Variants in GPATCH2 observed in about 807,000 individuals in gnomAD.
The protein encoded by GPATCH2 is G patch domain-containing protein 2.
A neutral mutation model predicts 58.0 loss-of-function variants in GPATCH2; 51 were observed. The observed-to-expected ratio is 0.88, with a 90% confidence interval of 0.70 to 1.11. The LOEUF is 1.11. Among genes scored for constraint, GPATCH2 ranks in the 50% most tolerant of loss-of-function variants. The pLI is 0.00. For synonymous variants in GPATCH2, 222 were observed against 218.5 expected (o/e 1.02, Z -0.14); for missense variants, 625 against 652.2 (o/e 0.96, Z 0.45).
chr1:217,513,292 A>AG (rs544622346), intron 6 of GPATCH2, among the ~76,000 whole-genome samples: 121 of 152,024 alleles, frequency 8.0e-4, no homozygotes, highest in African/African-American at 2.9e-3. Flanking sequence ...ACTTTGTCTC[A>AG]GGGAAAAAAA....
intron 5 of GPATCH2, among the ~76,000 whole-genome samples, chr1:217,545,655 T>C (rs1435480727): frequency 6.6e-6 from 1 of 152,226 alleles, no homozygotes; most frequent in Non-Finnish European, 1.5e-5. Flanking sequence ...GACTATGTAA[T>C]TGTTTTTCTG....
intron 5 of GPATCH2, among the ~76,000 whole-genome samples, chr1:217,548,600 G>A (rs1347928411): frequency 6.6e-6 from 1 of 152,096 alleles, no homozygotes; most frequent in East Asian, 1.9e-4. Context: ...AAAACTGGGT[G>A]ATATGGTTTG....
chr1:217,609,966 C>T lies in GPATCH2; in HGVS notation c.1098+355G>A, dbSNP rs968535592. On this transcript the variant is annotated intron_variant, in intron 5 of 9. Coordinates refer to ENST00000366935, the MANE Select transcript of GPATCH2 (RefSeq NM_018040.5). Reference sequence around the variant, plus strand: ...GGGCCAACCTAAATCCCTAGAAAGCCTCCCCAGTCAGGTTCACTTCTGACT... The same window carrying T: ...GGGCCAACCTAAATCCCTAGAAAGCTTCCCCAGTCAGGTTCACTTCTGACT... 2.4e-5 allele frequency: 31 copies of T among 1,301,796 alleles called. No homozygotes were observed. In the African/African-American group the frequency reaches 4.8e-4, roughly 20 times the overall value. The allele number at this position is 1,301,796 out of a possible 1,614,324, so 80.6% of individuals were successfully genotyped here.
chr1:217,590,571 T>C (rs187336472), intron 5 of GPATCH2, among the ~76,000 whole-genome samples: 54 of 152,324 alleles, frequency 3.5e-4, no homozygotes, highest in African/African-American at 1.2e-3. Context: ...GAGGAGTATT[T>C]GACCAATCAA....
intron 8 of GPATCH2, 168 bp downstream of exon 8, chr1:217,491,512 C>A (rs909465686): frequency 6.0e-6 from 2 of 334,588 alleles, no homozygotes; most frequent in African/African-American, 4.3e-5. Flanking sequence ...AATAAAATAT[C>A]TTTTTATTCA....
In GPATCH2 at chr1:217,610,319, A is replaced by G. The variant is rs1384458409; in HGVS notation, c.1098+2T>C. On this transcript the variant is annotated splice_donor_variant, in intron 5 of 9. Coordinates refer to ENST00000366935, the MANE Select transcript of GPATCH2 (RefSeq NM_018040.5). LOFTEE classifies it high-confidence loss of function. Reference sequence around the variant, plus strand: ...ACAATTACACAGAAAAAGTATGCCTACCATTGAAGTTGGAGTCCCTCCAGA... The same window carrying G: ...ACAATTACACAGAAAAAGTATGCCTGCCATTGAAGTTGGAGTCCCTCCAGA... 6.4e-7 allele frequency: 1 copy of G among 1,560,990 alleles called. No homozygotes were observed.
chr1:217,548,021 T>A (rs1220992551), intron 5 of GPATCH2, among the ~76,000 whole-genome samples: 3 of 152,208 alleles, frequency 2.0e-5, no homozygotes, highest in Non-Finnish European at 1.5e-5. Flanking sequence ...ATAGTTAAGT[T>A]TCCTGAGGCT....
intron 9 of GPATCH2, among the ~76,000 whole-genome samples, chr1:217,441,785 C>T (rs542383712): frequency 4.1e-4 from 63 of 152,246 alleles, no homozygotes; most frequent in African/African-American, 1.5e-3. Context: ...ATCAAAATCA[C>T]AATGAGACAC....
At chr1:217,542,152 G>C (rs1571888572) in intron 5 of GPATCH2, among the ~76,000 whole-genome samples, 2 of 152,284 alleles carry the variant, frequency 1.3e-5, no homozygotes, top group East Asian at 3.9e-4. Flanking sequence ...GCTGGGTTTA[G>C]GCTGTGATGA....
intron 5 of GPATCH2, among the ~76,000 whole-genome samples, chr1:217,604,746 C>T (rs754853467): frequency 1.3e-4 from 20 of 151,898 alleles, no homozygotes; most frequent in Non-Finnish European, 2.4e-4. Context: ...GCCCTTCTGG[C>T]CTAGTGTGAT....
intron 5 of GPATCH2, among the ~76,000 whole-genome samples, chr1:217,604,886 G>GT (rs1668283320): frequency 6.6e-6 from 1 of 152,060 alleles, no homozygotes; most frequent in African/African-American, 2.4e-5. Context: ...ATTAGCTGGC[G>GT]TGGTGGCAGG....
chr1:217,521,270 C>T (rs1558453651), intron 5 of GPATCH2, among the ~76,000 whole-genome samples: 1 of 147,188 alleles, frequency 6.8e-6, no homozygotes, highest in African/African-American at 2.5e-5. Context: ...AGGGCACATG[C>T]CCTAGACTAT....
intron 5 of GPATCH2, among the ~76,000 whole-genome samples, chr1:217,523,855 AC>A (rs1175223227): frequency 3.3e-5 from 4 of 122,404 alleles, no homozygotes; most frequent in Non-Finnish European, 3.4e-5. Context: ...CGGGGGGCTG[AC>A]CCCCACACCT....
chr1:217,592,796 T>C (rs755999584), intron 5 of GPATCH2, among the ~76,000 whole-genome samples: 1 of 151,976 alleles, frequency 6.6e-6, no homozygotes, highest in Non-Finnish European at 1.5e-5. Flanking sequence ...TTAATGCCAC[T>C]TTTGGGTTAC....
At chr1:217,465,244 ATAAAT>A (rs1287190324) in intron 8 of GPATCH2, among the ~76,000 whole-genome samples, 3 of 152,186 alleles carry the variant, frequency 2.0e-5, no homozygotes, top group African/African-American at 7.2e-5. Context: ...AAGGAAAGTG[ATAAAT>A]TAAAAAGTGA....
chr1:217,455,872 C>A (rs1242132179), intron 8 of GPATCH2, among the ~76,000 whole-genome samples: 2 of 151,978 alleles, frequency 1.3e-5, no homozygotes, highest in African/African-American at 4.8e-5. Context: ...AGAAGACAGA[C>A]AAAAGAGCAG....
At chr1:217,550,332 G>A (rs371357567) in intron 5 of GPATCH2, among the ~76,000 whole-genome samples, 79 of 151,974 alleles carry the variant, frequency 5.2e-4, no homozygotes, top group African/African-American at 1.8e-3. Flanking sequence ...TCATTTATTC[G>A]CCAAATGCTT....
At chr1:217,517,622 T>G (rs1027504967) in intron 5 of GPATCH2, among the ~76,000 whole-genome samples, 1 of 152,138 alleles carries the variant, frequency 6.6e-6, no homozygotes, top group Non-Finnish European at 1.5e-5. Context: ...TGTCTTATCA[T>G]TAATTCAAGA....
intron 1 of GPATCH2, among the ~76,000 whole-genome samples, chr1:217,622,439 T>C (rs1571673040): frequency 1.3e-5 from 2 of 152,366 alleles, no homozygotes; most frequent in South Asian, 2.1e-4. Context: ...ATCTAATGCA[T>C]ACAGCTTTTT....
Sources: gnomAD v4.1 joint callset for allele counts (sites outside exome capture counted in the v4.1 genomes callset) on GRCh38, gnomAD v4.1.1 for gene constraint, MANE v1.5 for transcripts, NCBI Gene and HGNC (gene_info 2026-07-23, HGNC 2026-07-21) for gene names.